Variants in ALAD observed in about 807,000 individuals in gnomAD.
ALAD encodes the protein delta-aminolevulinic acid dehydratase.
In ALAD, 20 loss-of-function variants were observed where a neutral mutation model predicts 44.4. The observed-to-expected ratio is 0.45, with a 90% CI of 0.32 to 0.65. The LOEUF (loss-of-function observed/expected upper bound fraction) is 0.65, where lower values mean the gene tolerates loss of function less well. Among genes scored for constraint, ALAD ranks in the 30% least tolerant of loss-of-function variants. The probability of loss-of-function intolerance (pLI) is 0.05; values close to 1 mark genes in which losing one functional copy is unlikely to be tolerated. For synonymous variants in ALAD, 156 were observed against 167.9 expected (o/e 0.93, Z 0.55); for missense variants, 323 against 445.7 (o/e 0.72, Z 2.48).
intron 1 of ALAD, among the ~76,000 whole-genome samples, chr9:113,395,815 T>C (rs1276420373): frequency 6.6e-6 from 1 of 152,156 alleles, no homozygotes; most frequent in Non-Finnish European, 1.5e-5. Flanking sequence ...CCCAGCACTT[T>C]GGGAGGCTGA....
At position 113,397,620 on chromosome 9, in the gene ALAD, C is replaced by CTT. The variant is rs554533853; in HGVS notation, c.-76+3590_-76+3591dup. ...TCTGCCAGGAGTTTTTTTTCCTTTT[C>CTT]TTTTTTTTTTTTTTTTTTTTTTGAG... On this transcript the variant is annotated intron_variant, in intron 1 of 11. Coordinates refer to ENST00000409155, the MANE Select transcript of ALAD (RefSeq NM_000031.6). Among the ~76,000 whole-genome samples, 664 of 108,682 alleles carry CTT rather than the reference C, an allele frequency of 6.1e-3. 10 individuals carry two copies. The highest frequency in any genetic ancestry group is 0.017 in the South Asian group (53 of 3,052). 71.3% of individuals were successfully genotyped at this position (108,682 alleles called of 152,430 possible). A position where few individuals can be genotyped will look rare whatever the true frequency, so the allele number is the denominator to read the frequency against.
At position 113,388,626 on chromosome 9, in the gene ALAD, A is replaced by G. The variant is rs8177819; in HGVS notation, c.932-265T>C. Among the ~76,000 whole-genome samples, 7,142 of 152,300 alleles carry G rather than the reference A, an allele frequency of 0.047. 180 individuals carry two copies. The highest frequency in any genetic ancestry group is 0.075 in the East Asian group (388 of 5,182). ...CAAGTTCCTTCCCATGCTGGTGTGC[A>G]ATTCTAACAAAATGAGTCCCCTTTA... On this transcript the variant is annotated intron_variant, in intron 11 of 11. Coordinates refer to ENST00000409155, the MANE Select transcript of ALAD (RefSeq NM_000031.6).
chr9:113,393,451 C>T lies in ALAD; in HGVS notation c.109G>A (p.Val37Ile). The T allele has an allele frequency of 6.3e-7, 1 of 1,599,582 alleles. No individual in the cohort carries two copies. Among genetic ancestry groups the T allele is most frequent in the Non-Finnish European group, 8.5e-7 (1 of 1,170,064 alleles). ...NASNLIYPIF[V>I]TDVPDDIQPI... ...GGCCCATTCTTGGAGACTCACGTGA[C>T]AAAGATGGGGTAGATGAGGTTGGAG... Residue 37 changes from valine (V) to isoleucine (I), a missense_variant, in exon 2 of 12, where the codon GTC becomes ATC. Physicochemically the swap from Val to Ile is conservative, Grantham distance 29. Coordinates refer to ENST00000409155, the MANE Select transcript of ALAD (RefSeq NM_000031.6).
chr9:113,391,734 G>C (rs1827591706), intron 3 of ALAD, 111 bp from the exon 4 acceptor site: 1 of 880,016 alleles, frequency 1.1e-6, no homozygotes. Context: ...TATGGCACCA[G>C]GAGGGCTCAA....
chr9:113,392,874 G>A (rs959418993), intron 2 of ALAD, among the ~76,000 whole-genome samples: 1 of 135,742 alleles, frequency 7.4e-6, no homozygotes, highest in Non-Finnish European at 1.5e-5. Context: ...CTGGAGTGAA[G>A]TGGTGCAATC....
intron 1 of ALAD, among the ~76,000 whole-genome samples, chr9:113,400,801 A>G (rs538168063): frequency 1.4e-4 from 21 of 152,294 alleles, no homozygotes; most frequent in African/African-American, 4.8e-4. Context: ...CAGCCTGGGC[A>G]ACAAGAGCGA....
intron 1 of ALAD, among the ~76,000 whole-genome samples, chr9:113,394,771 G>GC (rs1480144623): frequency 6.6e-6 from 1 of 152,070 alleles, no homozygotes; most frequent in Non-Finnish European, 1.5e-5. Flanking sequence ...AGTACTGTTG[G>GC]CCGGGCATGG....
In ALAD at chr9:113,390,497, G is replaced by C; in HGVS notation, c.482-4C>G. 6.2e-7 allele frequency: 1 copy of C among 1,614,022 alleles called. No individual in the cohort carries two copies. Among genetic ancestry groups the C allele is most frequent in the Non-Finnish European group, 8.5e-7 (1 of 1,180,020 alleles). On this transcript the variant is annotated splice_polypyrimidine_tract_variant and splice_region_variant and intron_variant, in intron 6 of 11. Transcript: ENST00000409155. Reference sequence around the variant, plus strand: ...GACGGGGCTACCACCTGACATCCTGGGGGGCAGAGGGTGGCCTTCAGAACT... The same window carrying C: ...GACGGGGCTACCACCTGACATCCTGCGGGGCAGAGGGTGGCCTTCAGAACT...
chr9:113,400,251 T>C (rs985598778), intron 1 of ALAD, among the ~76,000 whole-genome samples: 2 of 152,010 alleles, frequency 1.3e-5, no homozygotes, highest in Admixed American at 6.6e-5. Flanking sequence ...TGGGGGAAGG[T>C]CTCCAGCAGC....
intron 5 of ALAD, 56 bp from the exon 6 acceptor site, chr9:113,390,732 C>T: frequency 1.2e-6 from 2 of 1,601,852 alleles, no homozygotes; most frequent in Non-Finnish European, 1.7e-6. Flanking sequence ...CCTGTCCCCA[C>T]CCTGTTGAGA....
Position 113,388,285 on chromosome 9 carries a change from C to T in ALAD, c.*15G>A, listed in dbSNP as rs1827462256. On this transcript the variant is annotated 3_prime_UTR_variant, in exon 12 of 12. Coordinates refer to ENST00000409155, the MANE Select transcript of ALAD (RefSeq NM_000031.6). ...CGTTTTAAAGTTCTAGTTCTTGGGC[C>T]TGGCACTGTCTCCATCATTCCTCCT... The T allele has an allele frequency of 1.2e-6, 2 of 1,614,116 alleles. No homozygotes were observed. Among genetic ancestry groups the T allele is most frequent in the Non-Finnish European group, 8.5e-7 (1 of 1,179,946 alleles).
chr9:113,391,244 C>T (rs1297343065), intron 4 of ALAD, among the ~76,000 whole-genome samples: 1 of 152,088 alleles, frequency 6.6e-6, no homozygotes. Flanking sequence ...GCTCTGTCAC[C>T]CAGGCTAGAG....
At chr9:113,399,995 A>G (rs1043021882) in intron 1 of ALAD, among the ~76,000 whole-genome samples, 1 of 152,240 alleles carries the variant, frequency 6.6e-6, no homozygotes, top group African/African-American at 2.4e-5. Flanking sequence ...GGCCTGCTGA[A>G]GTGCTAGACA....
chr9:113,400,443 GT>G (rs1827824791), intron 1 of ALAD, among the ~76,000 whole-genome samples: 1 of 152,172 alleles, frequency 6.6e-6, no homozygotes, highest in Non-Finnish European at 1.5e-5. Context: ...ACAAATCCTA[GT>G]TCTGTAGCTT....
intron 2 of ALAD, 110 bp downstream of exon 2, chr9:113,393,337 G>A (rs1483158440): frequency 3.0e-5 from 29 of 967,096 alleles, no homozygotes; most frequent in Non-Finnish European, 4.6e-5. Context: ...CAAGCTGACA[G>A]CTCACTTTGC....
chr9:113,393,764 C>G (rs1482217967), intron 1 of ALAD, 130 bp from the exon 2 acceptor site: 2 of 531,342 alleles, frequency 3.8e-6, no homozygotes, highest in Non-Finnish European at 6.7e-6. Context: ...GCATGGTTCA[C>G]CAATCCCTGC....
At chr9:113,392,234 T>A in intron 2 of ALAD, 65 bp from the exon 3 acceptor site, 1 of 1,611,550 alleles carries the variant, frequency 6.2e-7, no homozygotes, top group African/African-American at 1.3e-5. Flanking sequence ...CGGGGGCGAC[T>A]GAGAGGGATG....
chr9:113,391,084 G>A lies in ALAD; in HGVS notation c.262-151C>T, dbSNP rs146639344. 11 of 1,066,810 alleles carry A rather than the reference G, an allele frequency of 1.0e-5. No individual in the cohort carries two copies. The African/African-American group carries it at 1.4e-4, about 14-fold the overall frequency. 66.1% of individuals were successfully genotyped at this position (1,066,810 alleles called of 1,614,324 possible). ...AAGCACAGAGGACTGACCCTACATG[G>A]GTGCTGACTTAAGGGCAAAGACCAC... On this transcript the variant is annotated intron_variant, in intron 4 of 11. Coordinates refer to ENST00000409155, the MANE Select transcript of ALAD (RefSeq NM_000031.6).
rs1310543187 is a variant in ALAD, at chr9:113,394,275, C to T, written c.-75-641G>A. ...TTTTCTAGCTGGGCATGGTGGCTCACGCCTGTAATCCCGGCACTTTGGGAG... is the reference window on the plus strand; with the variant it reads ...TTTTCTAGCTGGGCATGGTGGCTCATGCCTGTAATCCCGGCACTTTGGGAG... On this transcript the variant is annotated intron_variant, in intron 1 of 11. Transcript: ENST00000409155. Among the ~76,000 whole-genome samples, 4 of 150,048 alleles carry T rather than the reference C, an allele frequency of 2.7e-5. No individual in the cohort carries two copies. In the East Asian group the frequency reaches 6.2e-4, roughly 23 times the overall value.
Sources: gnomAD v4.1 joint callset for allele counts (sites outside exome capture counted in the v4.1 genomes callset) on GRCh38, gnomAD v4.1.1 for gene constraint, MANE v1.5 for transcripts, NCBI Gene and HGNC (gene_info 2026-07-23, HGNC 2026-07-21) for gene names.